The following ADAM32 variants were observed in gnomAD, a reference collection of about 807,000 sequenced individuals.
ADAM32 encodes ADAM metallopeptidase domain 32.
A neutral mutation model predicts 114.9 loss-of-function variants in ADAM32; 89 were observed. The ratio of observed to expected loss-of-function variants is 0.77; its 90% CI spans 0.65 to 0.92. ADAM32 has a LOEUF of 0.92. Ranked by LOEUF, ADAM32 falls within the 40% of genes least tolerant of loss-of-function variation. The pLI is 0.00. For missense variants in ADAM32, 870 were observed against 932.8 expected (o/e 0.93, Z 0.88); for synonymous variants, 285 against 307.5 (o/e 0.93, Z 0.77).
chr8:39,187,426 C>T (rs1047216822), intron 11 of ADAM32, among the ~76,000 whole-genome samples: 2 of 152,160 alleles, frequency 1.3e-5, no homozygotes, highest in Admixed American at 6.5e-5. Flanking sequence ...CACCCGCCAC[C>T]GTGCCCAGCT....
intron 23 of ADAM32, among the ~76,000 whole-genome samples, chr8:39,281,873 T>C (rs905932129): frequency 1.3e-5 from 2 of 152,230 alleles, no homozygotes; most frequent in African/African-American, 4.8e-5. Context: ...CCCACTGCTA[T>C]TCCAAAATAT....
At chr8:39,183,073 T>C (rs573553143) in intron 10 of ADAM32, among the ~76,000 whole-genome samples, 1 of 152,226 alleles carries the variant, frequency 6.6e-6, no homozygotes, top group Non-Finnish European at 1.5e-5. Flanking sequence ...TGATTGTTTC[T>C]GATGGAGCAG....
At chr8:39,192,556 ATGT>A (rs1202575594) in intron 11 of ADAM32, among the ~76,000 whole-genome samples, 1 of 152,106 alleles carries the variant, frequency 6.6e-6, no homozygotes, top group Non-Finnish European at 1.5e-5. Flanking sequence ...TCCTGCCATC[ATGT>A]TGTTAGCTGG....
At chr8:39,271,539 C>CAA (rs5891057) in intron 20 of ADAM32, among the ~76,000 whole-genome samples, 198 of 129,054 alleles carry the variant, frequency 1.5e-3, no homozygotes, top group African/African-American at 5.5e-3. Context: ...TGAAAAACCT[C>CAA]AAAAAAAAAA....
chr8:39,225,839 C>T (rs573245968), intron 14 of ADAM32, among the ~76,000 whole-genome samples: 2 of 151,966 alleles, frequency 1.3e-5, no homozygotes, highest in African/African-American at 4.8e-5. Flanking sequence ...AAAATGGTGA[C>T]TGCTCCATCG....
At chr8:39,239,465 C>A (rs900020811) in intron 16 of ADAM32, among the ~76,000 whole-genome samples, 1 of 152,114 alleles carries the variant, frequency 6.6e-6, no homozygotes, top group Non-Finnish European at 1.5e-5. Context: ...AAAATAGAAC[C>A]TCTTTAAAGC....
chr8:39,148,556 A>G (rs887042333), intron 4 of ADAM32, among the ~76,000 whole-genome samples: 4 of 146,846 alleles, frequency 2.7e-5, no homozygotes, highest in African/African-American at 1.0e-4. Context: ...TATTTACTTT[A>G]TTTTCTGTCT....
At chr8:39,240,903 C>T (rs150994718) in intron 16 of ADAM32, among the ~76,000 whole-genome samples, 1 of 152,164 alleles carries the variant, frequency 6.6e-6, no homozygotes, top group Admixed American at 6.5e-5. Context: ...CCCCCAAAGT[C>T]TTAACTCATT....
intron 6 of ADAM32, chr8:39,158,605 G>A (rs997743980): frequency 7.1e-6 from 2 of 279,834 alleles, no homozygotes; most frequent in African/African-American, 2.3e-5. Flanking sequence ...TCATCACTGG[G>A]GAAGCTCTTC....
chr8:39,218,968 G>T (rs1808766364), intron 12 of ADAM32, among the ~76,000 whole-genome samples: 1 of 152,072 alleles, frequency 6.6e-6, no homozygotes, highest in African/African-American at 2.4e-5. Context: ...GGGCTGTTTA[G>T]TGAGTAGGTG....
intron 10 of ADAM32, among the ~76,000 whole-genome samples, chr8:39,175,284 A>G (rs927698548): frequency 1.3e-5 from 2 of 152,224 alleles, no homozygotes; most frequent in South Asian, 4.1e-4. Context: ...GAATGCTTCC[A>G]GCTTTTGCCC....
At chr8:39,162,972 GCCTAGGCAACAGAGGAAGACT>G (rs1804605488) in intron 7 of ADAM32, among the ~76,000 whole-genome samples, 1 of 152,178 alleles carries the variant, frequency 6.6e-6, no homozygotes. Flanking sequence ...CTGGCCTCCA[GCCTAGGCAACAGAGGAAGACT>G]CCATCTCAAA....
rs1365309460 is a variant in ADAM32, at chr8:39,284,899, G to C, written c.*100G>C. The C allele has an allele frequency of 6.8e-7, 1 of 1,477,182 alleles. No individual in the cohort carries two copies. Among genetic ancestry groups the C allele is most frequent in the African/African-American group, 1.4e-5 (1 of 72,034 alleles). 91.5% of individuals were successfully genotyped at this position (1,477,182 alleles called of 1,614,324 possible). ...TCACAGCTGAAAGAAACAATAAATT[G>C]AGTGTGGATCAATTTGCATGCCAGC... is the stretch of plus-strand genomic sequence containing the variant. On this transcript the variant is annotated 3_prime_UTR_variant, in exon 25 of 25. Coordinates refer to ENST00000379907, the MANE Select transcript of ADAM32 (RefSeq NM_145004.7).
intron 2 of ADAM32, among the ~76,000 whole-genome samples, chr8:39,122,604 T>C (rs1801843727): frequency 6.6e-6 from 1 of 152,314 alleles, no homozygotes; most frequent in African/African-American, 2.4e-5. Context: ...TGAGACAGAG[T>C]CTTCCTCTGT....
At chr8:39,261,083 ATCC>A (rs1458248700) in intron 19 of ADAM32, among the ~76,000 whole-genome samples, 1 of 152,130 alleles carries the variant, frequency 6.6e-6, no homozygotes, top group Admixed American at 6.6e-5. Flanking sequence ...AGGAGTCAGT[ATCC>A]TCCTTCTAGC....
At chr8:39,248,669 CT>C (rs544922920) in intron 17 of ADAM32, among the ~76,000 whole-genome samples, 2 of 152,000 alleles carry the variant, frequency 1.3e-5, no homozygotes, top group African/African-American at 4.8e-5. Context: ...AATCAGTATA[CT>C]TTTTTTATTA....
chr8:39,257,177 C>G lies in ADAM32; in HGVS notation c.2006-10C>G, dbSNP rs765308807. 2 of 1,347,444 alleles carry G rather than the reference C, an allele frequency of 1.5e-6. No homozygotes were observed. The highest frequency in any genetic ancestry group is 2.8e-5 in the East Asian group (1 of 36,334). 83.5% of individuals were successfully genotyped at this position (1,347,444 alleles called of 1,614,324 possible). On this transcript the variant is annotated splice_polypyrimidine_tract_variant and intron_variant, in intron 18 of 24. Coordinates refer to ENST00000379907, the MANE Select transcript of ADAM32 (RefSeq NM_145004.7). ...TTTTTGTTTTTTTTTTTTTGTATTT[C>G]TGTTTTTAGGTTCAATCATGGAAAG... is the stretch of plus-strand genomic sequence containing the variant.
chr8:39,154,982 A>T (rs979543820), intron 6 of ADAM32, among the ~76,000 whole-genome samples: 5 of 151,774 alleles, frequency 3.3e-5, no homozygotes, highest in Admixed American at 6.6e-5. Context: ...TCCCATTCTG[A>T]TTATCTCAAT....
intron 11 of ADAM32, among the ~76,000 whole-genome samples, chr8:39,210,317 C>T (rs532082504): frequency 2.2e-4 from 34 of 152,304 alleles, no homozygotes; most frequent in Admixed American, 1.4e-3. Flanking sequence ...GTGTAGGCAA[C>T]GCAAAACTGT....
Sources: allele counts gnomAD v4.1 joint callset (sites outside exome capture counted in the v4.1 genomes callset), GRCh38; gene constraint gnomAD v4.1.1; transcripts MANE v1.5; gene names NCBI Gene and HGNC (gene_info 2026-07-23, HGNC 2026-07-21).